Variants in LUZP2 observed in about 807,000 individuals in gnomAD.
LUZP2 encodes the protein leucine zipper protein 2.
In LUZP2, 52 loss-of-function variants were observed where a neutral mutation model predicts 51.6. That is an observed-to-expected ratio of 1.01 (90% CI 0.81 to 1.27). LUZP2 has a LOEUF of 1.27. LUZP2 is among the 50% of genes most tolerant of loss of function. The pLI is 0.00. For synonymous variants in LUZP2, 154 were observed against 137.3 expected (o/e 1.12, Z -0.85); for missense variants, 436 against 395.4 (o/e 1.10, Z -0.87).
At chr11:24,597,290 T>C (rs1484231095) in intron 1 of LUZP2, among the ~76,000 whole-genome samples, 2 of 152,258 alleles carry the variant, frequency 1.3e-5, no homozygotes, top group Non-Finnish European at 2.9e-5. Flanking sequence ...TGCATTTGAC[T>C]TTATTATTCA....
chr11:24,713,905 A>G (rs1241641802), intron 1 of LUZP2, among the ~76,000 whole-genome samples: 1 of 119,074 alleles, frequency 8.4e-6, no homozygotes, highest in Non-Finnish European at 1.6e-5. Flanking sequence ...CATGTTGGCT[A>G]GGCTGGTCTT....
At chr11:24,648,349 C>T (rs1855523701) in intron 1 of LUZP2, among the ~76,000 whole-genome samples, 1 of 151,846 alleles carries the variant, frequency 6.6e-6, no homozygotes, top group Admixed American at 6.6e-5. Context: ...ACTCTCCTTT[C>T]CCCTAACCTA....
intron 7 of LUZP2, among the ~76,000 whole-genome samples, chr11:24,929,878 T>C (rs1854393629): frequency 6.6e-6 from 1 of 152,100 alleles, no homozygotes; most frequent in Non-Finnish European, 1.5e-5. Flanking sequence ...ATAGTACTTA[T>C]CAGTAGTTAT....
chr11:24,986,039 G>A (rs995937897), intron 9 of LUZP2, among the ~76,000 whole-genome samples: 1 of 151,624 alleles, frequency 6.6e-6, no homozygotes, highest in Non-Finnish European at 1.5e-5. Flanking sequence ...ATTTTGCTGA[G>A]ATACTCTCTA....
intron 1 of LUZP2, among the ~76,000 whole-genome samples, chr11:24,546,907 T>TTTTTG (rs773863731): frequency 3.6e-4 from 54 of 151,888 alleles, no homozygotes; most frequent in African/African-American, 9.9e-4. Context: ...CTGGTCCTGT[T>TTTTTG]TTTTGTTTTG....
At chr11:24,694,935 G>A (rs1857199198) in intron 1 of LUZP2, among the ~76,000 whole-genome samples, 1 of 151,666 alleles carries the variant, frequency 6.6e-6, no homozygotes, top group Non-Finnish European at 1.5e-5. Flanking sequence ...GCTGTGTAGG[G>A]GGCAAGGGGA....
chr11:25,059,487 A>T (rs916232691), intron 10 of LUZP2, among the ~76,000 whole-genome samples: 29 of 152,184 alleles, frequency 1.9e-4, no homozygotes, highest in Non-Finnish European at 4.0e-4. Context: ...ATACTACTTT[A>T]TTTCCATAAA....
At chr11:24,602,090 ATGTATATATG>A (rs1565020276) in intron 1 of LUZP2, among the ~76,000 whole-genome samples, 2 of 85,718 alleles carry the variant, frequency 2.3e-5, no homozygotes, top group South Asian at 3.0e-4. Flanking sequence ...ATGTGTATAT[ATGTATATATG>A]TGTATATGTG....
intron 1 of LUZP2, among the ~76,000 whole-genome samples, chr11:24,672,675 C>T (rs781264022): frequency 1.3e-5 from 2 of 152,164 alleles, no homozygotes; most frequent in Non-Finnish European, 2.9e-5. Flanking sequence ...CATGGGATTT[C>T]GTCCTTGTGC....
chr11:24,814,724 A>G (rs376333502), intron 5 of LUZP2, among the ~76,000 whole-genome samples: 2 of 152,118 alleles, frequency 1.3e-5, no homozygotes. Flanking sequence ...CGGGAGCGGT[A>G]GCTCAAGCCT....
At chr11:25,069,776 T>TTTA (rs1275533697) in intron 10 of LUZP2, among the ~76,000 whole-genome samples, 1 of 151,924 alleles carries the variant, frequency 6.6e-6, no homozygotes, top group Admixed American at 6.6e-5. Flanking sequence ...ACGTTAGTTC[T>TTTA]TTATTTGATT....
At chr11:24,770,085 C>T (rs1328053119) in intron 5 of LUZP2, among the ~76,000 whole-genome samples, 2 of 152,208 alleles carry the variant, frequency 1.3e-5, no homozygotes, top group Non-Finnish European at 1.5e-5. Context: ...TGAGCCACTG[C>T]ACCAGGACAC....
chr11:24,917,309 T>C (rs1428973628), intron 7 of LUZP2, among the ~76,000 whole-genome samples: 1 of 152,138 alleles, frequency 6.6e-6, no homozygotes, highest in African/African-American at 2.4e-5. Context: ...TGGTAGTTTA[T>C]TTTTGCTGTG....
chr11:25,014,232 C>T (rs1043342226), intron 9 of LUZP2, among the ~76,000 whole-genome samples: 1 of 152,148 alleles, frequency 6.6e-6, no homozygotes, highest in Non-Finnish European at 1.5e-5. Flanking sequence ...GTCTTTATAG[C>T]AGCATGTTTT....
intron 3 of LUZP2, among the ~76,000 whole-genome samples, chr11:24,737,794 T>A (rs1157137471): frequency 6.6e-6 from 1 of 152,134 alleles, no homozygotes; most frequent in Non-Finnish European, 1.5e-5. Context: ...TTAGAATTAA[T>A]TAATTAAGAG....
At chr11:24,667,994 C>T (rs1242281706) in intron 1 of LUZP2, among the ~76,000 whole-genome samples, 3 of 152,150 alleles carry the variant, frequency 2.0e-5, no homozygotes, top group African/African-American at 4.8e-5. Context: ...AGCAGTAAAA[C>T]TGGCAATAAC....
intron 5 of LUZP2, among the ~76,000 whole-genome samples, chr11:24,798,645 A>G (rs976887549): frequency 4.6e-5 from 7 of 152,166 alleles, no homozygotes; most frequent in African/African-American, 1.7e-4. Context: ...GTGCAGAATT[A>G]TCTGTGCAGA....
chr11:24,778,870 A>G (rs969809299), intron 5 of LUZP2, among the ~76,000 whole-genome samples: 1 of 152,238 alleles, frequency 6.6e-6, no homozygotes, highest in Non-Finnish European at 1.5e-5. Context: ...ATAAATTCTT[A>G]GTCTGTAGAG....
At position 24,729,276 on chromosome 11, in the gene LUZP2, T is replaced by C. The variant is rs750383329; in HGVS notation, c.170T>C (p.Val57Ala). ...TCAAGAGAACTTGATGGAATTAAAG[T>C]CAATCTTCAGGTGAGATGAGAACTC... ...KTSRELDGIK[V>A]NLQSLKNDEQ... Residue 57 changes from valine to alanine, a missense_variant, in exon 2 of 12, where the codon GTC (valine) becomes GCC (alanine). Transcript: ENST00000336930. 3.9e-6 allele frequency: 6 copies of C among 1,535,346 alleles called. No individual in the cohort carries two copies. In the South Asian group the frequency reaches 7.2e-5, roughly 18 times the overall value.
Sources: allele counts gnomAD v4.1 joint callset (sites outside exome capture counted in the v4.1 genomes callset), GRCh38; gene constraint gnomAD v4.1.1; transcripts MANE v1.5; gene names NCBI Gene and HGNC (gene_info 2026-07-23, HGNC 2026-07-21).